GPC1: variants seen among roughly 807,000 people sequenced by gnomAD.
The protein encoded by GPC1 is glypican 1.
A neutral mutation model predicts 51.5 loss-of-function variants in GPC1; 26 were observed. That is an observed-to-expected ratio of 0.50 (90% CI 0.37 to 0.70). GPC1 has a LOEUF of 0.70. Ranked by LOEUF, GPC1 falls within the 30% of genes least tolerant of loss-of-function variation. The pLI is 0.00. For missense variants in GPC1, 775 were observed against 800.5 expected (o/e 0.97, Z 0.38); for synonymous variants, 380 against 348.3 (o/e 1.09, Z -1.01).
Position 240,436,095 on chromosome 2 carries a change from G to T in GPC1, c.166+11G>T. ...AGGCGGAGATCTCGGGTGAGTGAGG[G>T]CGCGGCGCCGGGAACCCGGGCCTGG... On this transcript the variant is annotated intron_variant, in intron 1 of 8. Coordinates refer to ENST00000264039, the MANE Select transcript of GPC1 (RefSeq NM_002081.3). 2 of 1,277,340 alleles carry T rather than the reference G, an allele frequency of 1.6e-6. No homozygotes were observed. Among genetic ancestry groups the T allele is most frequent in the Non-Finnish European group, 2.0e-6 (2 of 1,011,530 alleles). 79.1% of individuals were successfully genotyped at this position (1,277,340 alleles called of 1,614,324 possible).
At chr2:240,438,034 T>A (rs916492840) in intron 1 of GPC1, among the ~76,000 whole-genome samples, 12 of 151,998 alleles carry the variant, frequency 7.9e-5, no homozygotes, top group African/African-American at 2.9e-4. Flanking sequence ...ACAGGCAGAT[T>A]GTGTTGATTT....
Position 240,436,103 on chromosome 2 carries a change from C to T in GPC1, c.166+19C>T, listed in dbSNP as rs774476125. 7.9e-7 allele frequency: 1 copy of T among 1,266,410 alleles called. No individual in the cohort carries two copies. The highest frequency in any genetic ancestry group is 3.0e-5 in the East Asian group (1 of 33,332). The allele number at this position is 1,266,410 out of a possible 1,614,324, so 78.4% of individuals were successfully genotyped here. ...ATCTCGGGTGAGTGAGGGCGCGGCG[C>T]CGGGAACCCGGGCCTGGCCGGGCTT... On this transcript the variant is annotated intron_variant, in intron 1 of 8. Coordinates refer to ENST00000264039, the MANE Select transcript of GPC1 (RefSeq NM_002081.3).
At chr2:240,452,086 G>A (rs549175437) in intron 1 of GPC1, 1 of 153,534 alleles carries the variant, frequency 6.5e-6, no homozygotes, top group South Asian at 2.0e-4. Context: ...TGTCTGGCTG[G>A]GTCAGCAGGC....
Position 240,466,096 on chromosome 2 carries a change from C to G in GPC1, c.1483C>G (p.Leu495Val), listed in dbSNP as rs141206711. ...GSGSGSGDGCLDDLCSRKVSR... is the reference protein window; with the variant it reads ...GSGSGSGDGCVDDLCSRKVSR... ...CGGCTCGGGCAGCGGTGATGGCTGTCTGGATGACCTCTGCAGCCGGAAGGT... is the reference window on the plus strand; with the variant it reads ...CGGCTCGGGCAGCGGTGATGGCTGTGTGGATGACCTCTGCAGCCGGAAGGT... The change falls in exon 9 of 9, where the codon CTG becomes GTG. Residue 495 changes from leucine to valine, a missense_variant. Physicochemically the swap from Leu to Val is conservative, Grantham distance 32. Transcript: ENST00000264039. 1.9e-5 allele frequency: 31 copies of G among 1,612,460 alleles called. No individual in the cohort carries two copies. Among genetic ancestry groups the G allele is most frequent in the Non-Finnish European group, 1.5e-5 (18 of 1,179,786 alleles).
intron 4 of GPC1, 67 bp downstream of exon 4, chr2:240,463,579 G>A (rs1410978261): frequency 4.2e-6 from 6 of 1,422,304 alleles, no homozygotes; most frequent in Non-Finnish European, 4.9e-6. Context: ...GGTCCTGGGG[G>A]GCGGGTGGTC....
At chr2:240,465,969 G>T in intron 8 of GPC1, 89 bp from the exon 9 acceptor site, 1 of 678,394 alleles carries the variant, frequency 1.5e-6, no homozygotes, top group Non-Finnish European at 2.4e-6. Context: ...AAAGGATGTT[G>T]GGGTCACCTG....
chr2:240,451,743 A>G (rs1399474337), intron 1 of GPC1: 1 of 168,982 alleles, frequency 5.9e-6, no homozygotes, highest in Non-Finnish European at 1.3e-5. Flanking sequence ...GCAGGCTGGC[A>G]TGGGGGGAGG....
chr2:240,443,077 C>T (rs2074028487), intron 1 of GPC1, among the ~76,000 whole-genome samples: 1 of 152,260 alleles, frequency 6.6e-6, no homozygotes, highest in South Asian at 2.1e-4. Flanking sequence ...AGGGCCGGGC[C>T]ACTCAGGTGA....
intron 1 of GPC1, chr2:240,456,712 C>A: frequency 2.2e-6 from 1 of 445,558 alleles, no homozygotes; most frequent in Middle Eastern, 3.4e-4. Flanking sequence ...CTCAGCCTGG[C>A]ACAGGCCCCA....
intron 2 of GPC1, among the ~76,000 whole-genome samples, chr2:240,461,495 C>T (rs1444240647): frequency 1.3e-5 from 2 of 152,090 alleles, no homozygotes; most frequent in Non-Finnish European, 2.9e-5. Flanking sequence ...GGGGCTTTTC[C>T]CTAAAGCCCC....
At chr2:240,453,752 G>A (rs1374887545) in intron 1 of GPC1, among the ~76,000 whole-genome samples, 1 of 151,700 alleles carries the variant, frequency 6.6e-6, no homozygotes, top group Non-Finnish European at 1.5e-5. Context: ...CTCCGGCTGC[G>A]CGGTTTGCCG....
chr2:240,439,599 A>C (rs1284865233), intron 1 of GPC1, among the ~76,000 whole-genome samples: 1 of 152,172 alleles, frequency 6.6e-6, no homozygotes, highest in Non-Finnish European at 1.5e-5. Context: ...TGGTTGGCAC[A>C]CAGACTCTGG....
intron 8 of GPC1, 21 bp from the exon 9 acceptor site, chr2:240,466,037 G>A (rs6760745): frequency 0.32 from 492,348 of 1,544,272 alleles, 79,846 homozygotes; most frequent in African/African-American, 0.46. Flanking sequence ...CCTGCCTGCC[G>A]GAGCCTCCTC....
intron 1 of GPC1, among the ~76,000 whole-genome samples, chr2:240,436,665 G>T (rs2073986299): frequency 6.6e-6 from 1 of 152,264 alleles, no homozygotes; most frequent in African/African-American, 2.4e-5. Flanking sequence ...CCCCTCGGGG[G>T]GTAGTGCGGA....
intron 1 of GPC1, chr2:240,452,979 G>A (rs1574765899): frequency 2.8e-6 from 1 of 352,168 alleles, no homozygotes; most frequent in Non-Finnish European, 5.6e-6. Context: ...TGCACCCAGA[G>A]CCCGCGCGCC....
In GPC1 at chr2:240,465,462, C is replaced by T. The variant is rs890211400; in HGVS notation, c.1269-11C>T. The T allele has an allele frequency of 6.2e-7, 1 of 1,612,166 alleles. No homozygotes were observed. On this transcript the variant is annotated splice_polypyrimidine_tract_variant and intron_variant, in intron 7 of 8. Coordinates refer to ENST00000264039, the MANE Select transcript of GPC1 (RefSeq NM_002081.3). ...GAGCAGTGACCTGGGCTCTGCCTGC[C>T]TTTCCCCCAGGTACCTCCCCGAGGT...
At position 240,461,366 on chromosome 2, in the gene GPC1, G is replaced by A. The variant is rs1371339689; in HGVS notation, c.326-825G>A. ...CCTTGTGGTGGGCCATCGAGCCCCC[G>A]GTACCTGTGGGGCAAAGCCGGCCAC... On this transcript the variant is annotated intron_variant, in intron 2 of 8. Transcript: ENST00000264039. 6.6e-5 allele frequency among the ~76,000 whole-genome samples: 10 copies of A among 152,292 alleles called. No individual in the cohort carries two copies. In the East Asian group the frequency reaches 9.6e-4, roughly 15 times the overall value.
chr2:240,458,348 G>A, intron 1 of GPC1: 1 of 273,888 alleles, frequency 3.7e-6, no homozygotes, highest in Non-Finnish European at 7.6e-6. Flanking sequence ...TGCCTCGGAC[G>A]CTGGAGCAGA....
intron 1 of GPC1, chr2:240,458,658 C>G (rs527611732): frequency 9.4e-6 from 2 of 211,822 alleles, no homozygotes; most frequent in African/African-American, 2.3e-5. Flanking sequence ...CAGACATGGG[C>G]CCAGGCAAGG....
Sources: gnomAD v4.1 joint callset for allele counts (sites outside exome capture counted in the v4.1 genomes callset) on GRCh38, gnomAD v4.1.1 for gene constraint, MANE v1.5 for transcripts, NCBI Gene and HGNC (gene_info 2026-07-23, HGNC 2026-07-21) for gene names.